Variants in ACTN4 observed in about 807,000 individuals in gnomAD.
ACTN4 encodes actinin alpha 4, also known as alpha-actinin-4.
A neutral mutation model predicts 114.2 loss-of-function variants in ACTN4; 18 were observed. The ratio of observed to expected loss-of-function variants is 0.16; its 90% CI spans 0.11 to 0.23. ACTN4 has a LOEUF of 0.23. ACTN4 is among the 10% of genes least tolerant of loss of function. The pLI is 1.00. For missense variants in ACTN4, 722 were observed against 1,262.9 expected (o/e 0.57, Z 6.49); for synonymous variants, 515 against 506.3 (o/e 1.02, Z -0.23).
chr19:38,728,436 T>TCCCCCCCCCCCCCCCCC, intron 19 of ACTN4: 1 of 953,842 alleles, frequency 1.0e-6, no homozygotes, highest in Non-Finnish European at 1.4e-6. Flanking sequence ...CTCCTCCTCC[T>TCCCCCCCCCCCCCCCCC]CCTCCTCCTC....
intron 9 of ACTN4, among the ~76,000 whole-genome samples, chr19:38,715,218 T>G (rs1968800104): frequency 6.6e-6 from 1 of 152,214 alleles, no homozygotes; most frequent in African/African-American, 2.4e-5. Context: ...AAACGTAGGC[T>G]GGGCGCAGTG....
Position 38,721,638 on chromosome 19 carries a change from T to C in ACTN4, c.1392T>C (p.Ala464=). ...ACGAGGCCTTCGAGAGCGACCTGGC[T>C]GCGCACCAGGACCGCGTGGAGCAGA... ...RKHEAFESDL[A]AHQDRVEQIA... The change falls in exon 12 of 21, where the codon GCT becomes GCC. Residue 464 remains alanine, a synonymous_variant. Coordinates refer to ENST00000252699, the MANE Select transcript of ACTN4 (RefSeq NM_004924.6). 1 of 1,614,004 alleles carries C rather than the reference T, an allele frequency of 6.2e-7. No homozygotes were observed. The highest frequency in any genetic ancestry group is 8.5e-7 in the Non-Finnish European group (1 of 1,180,036).
chr19:38,730,705 G>A lies in ACTN4; in HGVS notation c.*1273G>A. 1 of 960,418 alleles carries A rather than the reference G, an allele frequency of 1.0e-6. No homozygotes were observed. The highest frequency in any genetic ancestry group is 1.6e-6 in the Non-Finnish European group (1 of 636,132). 59.5% of individuals were successfully genotyped at this position (960,418 alleles called of 1,614,324 possible). A position where few individuals can be genotyped will look rare whatever the true frequency, so the allele number is the denominator to read the frequency against. On this transcript the variant is annotated 3_prime_UTR_variant, in exon 21 of 21. Coordinates refer to ENST00000252699, the MANE Select transcript of ACTN4 (RefSeq NM_004924.6). ...AGTGAGGAGTACGCAGGCCAGAGTG[G>A]TCACCCGGCCGTGAGCAGTGAGGGC... is the stretch of plus-strand genomic sequence containing the variant.
intron 19 of ACTN4, 58 bp downstream of exon 19, chr19:38,728,084 CTTCTCTCT>C (rs1270844993): frequency 5.9e-6 from 9 of 1,523,042 alleles, no homozygotes; most frequent in Non-Finnish European, 8.0e-6. Context: ...TCTCTCTCTC[CTTCTCTCT>C]TTCTCCCCTC....
chr19:38,687,462 C>T (rs1016926521), intron 1 of ACTN4, among the ~76,000 whole-genome samples: 1 of 152,206 alleles, frequency 6.6e-6, no homozygotes, highest in African/African-American at 2.4e-5. Flanking sequence ...TTTTAAAAAG[C>T]TCCCAGGTCC....
At chr19:38,706,586 A>G (rs906685256) in intron 5 of ACTN4, among the ~76,000 whole-genome samples, 5 of 151,802 alleles carry the variant, frequency 3.3e-5, no homozygotes, top group African/African-American at 1.2e-4. Context: ...GCTAATTTTT[A>G]ATTTTTATTT....
intron 5 of ACTN4, among the ~76,000 whole-genome samples, chr19:38,707,426 G>A (rs773630580): frequency 4.6e-5 from 7 of 152,134 alleles, no homozygotes; most frequent in Non-Finnish European, 1.0e-4. Flanking sequence ...AGGGAAGTCA[G>A]ATGAAGAAAG....
At chr19:38,684,444 C>T (rs886958884) in intron 1 of ACTN4, among the ~76,000 whole-genome samples, 2 of 152,176 alleles carry the variant, frequency 1.3e-5, no homozygotes, top group Admixed American at 1.3e-4. Context: ...GTCCCCCACC[C>T]CCTGCAGGAC....
At chr19:38,702,141 C>T (rs983819553) in intron 3 of ACTN4, among the ~76,000 whole-genome samples, 1 of 152,246 alleles carries the variant, frequency 6.6e-6, no homozygotes, top group Admixed American at 6.5e-5. Flanking sequence ...CTCACAGCTG[C>T]ATTTATTTTG....
At chr19:38,710,812 C>T (rs1968622842) in intron 8 of ACTN4, 1 of 279,432 alleles carries the variant, frequency 3.6e-6, no homozygotes, top group South Asian at 3.6e-5. Flanking sequence ...ACTACGAAGG[C>T]CCTGAGACAG....
chr19:38,705,144 C>T, intron 4 of ACTN4, 124 bp downstream of exon 4: 1 of 930,192 alleles, frequency 1.1e-6, no homozygotes, highest in Admixed American at 2.0e-5. Context: ...CAGGGCCTGG[C>T]CCTTGCAGGG....
intron 1 of ACTN4, among the ~76,000 whole-genome samples, chr19:38,690,557 T>A (rs370080143): frequency 6.6e-6 from 1 of 152,202 alleles, no homozygotes; most frequent in Admixed American, 6.5e-5. Flanking sequence ...AGGCCAAGAA[T>A]GTTAGGTCAG....
intron 1 of ACTN4, among the ~76,000 whole-genome samples, chr19:38,691,260 A>T (rs1257446417): frequency 2.0e-5 from 3 of 151,910 alleles, no homozygotes; most frequent in African/African-American, 7.3e-5. Flanking sequence ...TACTAAAAAT[A>T]AAAAATTAGC....
rs1443458187 is a variant in ACTN4, at chr19:38,668,707, G to A, written c.162+20800G>A. On this transcript the variant is annotated intron_variant, in intron 1 of 20. Transcript: ENST00000252699. The stretch of plus-strand genomic sequence containing the variant: ...CGCAAAAAAAGAAAAAAGAAAAAAA[G>A]AAAAGATGGACAATGAATTGCATGA... Among the ~76,000 whole-genome samples, 3 of 151,560 alleles carry A rather than the reference G, an allele frequency of 2.0e-5. No individual in the cohort carries two copies. In the East Asian group the frequency reaches 5.8e-4, roughly 29 times the overall value.
At chr19:38,728,253 G>A in intron 19 of ACTN4, 3 of 1,508,880 alleles carry the variant, frequency 2.0e-6, no homozygotes, top group Non-Finnish European at 1.8e-6. Context: ...TGTGCACATG[G>A]GGCGGCCCCT....
In ACTN4 at chr19:38,721,557, G is replaced by A. The variant is rs1969042240; in HGVS notation, c.1311G>A (p.Lys437=). ...TACCAGGGAAGGAAGCCATGCTGAAGCACCGGGACTACGAGACGGCCACAC... is the reference window on the plus strand; with the variant it reads ...TACCAGGGAAGGAAGCCATGCTGAAACACCGGGACTACGAGACGGCCACAC... ...AWTDGKEAML[K]HRDYETATLS... Residue 437 remains lysine (K), a synonymous_variant, in exon 12 of 21, where the codon AAG becomes AAA. Coordinates refer to ENST00000252699, the MANE Select transcript of ACTN4 (RefSeq NM_004924.6). The A allele has an allele frequency of 1.9e-6, 3 of 1,613,884 alleles. No homozygotes were observed. Among genetic ancestry groups the A allele is most frequent in the East Asian group, 4.5e-5 (2 of 44,898 alleles).
intron 1 of ACTN4, among the ~76,000 whole-genome samples, chr19:38,697,028 T>C (rs1968118153): frequency 6.6e-6 from 1 of 152,196 alleles, no homozygotes; most frequent in Admixed American, 6.5e-5. Context: ...TGTTTATCAG[T>C]GAGGAAACTG....
intron 12 of ACTN4, among the ~76,000 whole-genome samples, 153 bp from the exon 13 acceptor site, chr19:38,723,460 CT>C (rs1969115233): frequency 6.6e-6 from 1 of 152,146 alleles, no homozygotes; most frequent in South Asian, 2.1e-4. Flanking sequence ...CAGAACCAAG[CT>C]GTGATTTGAT....
intron 1 of ACTN4, among the ~76,000 whole-genome samples, chr19:38,689,704 C>T (rs570813897): frequency 2.0e-5 from 3 of 151,996 alleles, no homozygotes; most frequent in African/African-American, 7.2e-5. Flanking sequence ...GATGGAGTCT[C>T]GCTCTGTTGC....
Sources: gnomAD v4.1 joint callset for allele counts (sites outside exome capture counted in the v4.1 genomes callset) on GRCh38, gnomAD v4.1.1 for gene constraint, MANE v1.5 for transcripts, NCBI Gene and HGNC (gene_info 2026-07-23, HGNC 2026-07-21) for gene names.